IMMP2L: variants seen among roughly 807,000 people sequenced by gnomAD.
The protein encoded by IMMP2L is inner mitochondrial membrane peptidase subunit 2.
Under a neutral mutation model 19.3 loss-of-function variants are expected in IMMP2L, and 18 were observed. The ratio of observed to expected loss-of-function variants is 0.93; its 90% CI spans 0.64 to 1.38. The LOEUF (loss-of-function observed/expected upper bound fraction) is 1.38, where lower values mean the gene tolerates loss of function less well. Ranked by LOEUF, IMMP2L falls within the 40% of genes most tolerant of loss-of-function variation. The probability of loss-of-function intolerance (pLI) is 0.00; values close to 1 mark genes in which losing one functional copy is unlikely to be tolerated. For synonymous variants in IMMP2L, 76 were observed against 73.0 expected (o/e 1.04, Z -0.21); for missense variants, 233 against 218.2 (o/e 1.07, Z -0.43).
At chr7:111,215,446 A>G (rs769402623) in intron 3 of IMMP2L, among the ~76,000 whole-genome samples, 1 of 152,184 alleles carries the variant, frequency 6.6e-6, no homozygotes, top group African/African-American at 2.4e-5. Flanking sequence ...AAGAATCATG[A>G]AGATATTCTA....
At chr7:110,820,567 C>T (rs1430512042) in intron 5 of IMMP2L, among the ~76,000 whole-genome samples, 1 of 151,910 alleles carries the variant, frequency 6.6e-6, no homozygotes, top group Non-Finnish European at 1.5e-5. Flanking sequence ...ATCTGACACA[C>T]ACACACACAC....
intron 5 of IMMP2L, among the ~76,000 whole-genome samples, chr7:110,789,313 T>C (rs961792665): frequency 6.6e-6 from 1 of 151,764 alleles, no homozygotes; most frequent in African/African-American, 2.4e-5. Context: ...GACACTAAGT[T>C]TGTTATGATG....
chr7:111,048,258 A>AAAAAAAAAG (rs1792634760), intron 3 of IMMP2L, among the ~76,000 whole-genome samples: 1 of 149,020 alleles, frequency 6.7e-6, no homozygotes, highest in South Asian at 2.1e-4. Context: ...AAAAAAAAAA[A>AAAAAAAAAG]AAAAAAAGAA....
intron 3 of IMMP2L, among the ~76,000 whole-genome samples, chr7:111,054,335 C>A (rs1409770039): frequency 6.6e-6 from 1 of 152,140 alleles, no homozygotes; most frequent in Non-Finnish European, 1.5e-5. Flanking sequence ...ATCTTGAAGA[C>A]ATTTAAAAAT....
intron 3 of IMMP2L, among the ~76,000 whole-genome samples, chr7:110,983,766 C>G (rs2129558459): frequency 6.6e-6 from 1 of 151,932 alleles, no homozygotes; most frequent in South Asian, 2.1e-4. Context: ...TCTAAGGACC[C>G]TCCTCTGTCC....
chr7:111,234,964 T>G (rs1814120723), intron 3 of IMMP2L, among the ~76,000 whole-genome samples: 1 of 152,064 alleles, frequency 6.6e-6, no homozygotes, highest in Admixed American at 6.6e-5. Context: ...TTTAAAAGAG[T>G]CTGTAAGGGG....
At chr7:110,921,105 TTTTG>T (rs1201431721) in intron 4 of IMMP2L, among the ~76,000 whole-genome samples, 2 of 152,220 alleles carry the variant, frequency 1.3e-5, no homozygotes, top group Admixed American at 1.3e-4. Context: ...TAATATTTAT[TTTTG>T]TTTATGTTTT....
intron 3 of IMMP2L, among the ~76,000 whole-genome samples, chr7:111,239,080 T>C (rs1053645893): frequency 6.6e-6 from 1 of 151,930 alleles, no homozygotes. Context: ...GAATAGGACA[T>C]TGTTTTTGTT....
chr7:111,278,978 C>T (rs561767525), intron 3 of IMMP2L, among the ~76,000 whole-genome samples: 17 of 151,280 alleles, frequency 1.1e-4, no homozygotes, highest in African/African-American at 3.9e-4. Context: ...AGACATGAAA[C>T]ATGAAAAAAA....
At chr7:111,370,100 T>C (rs1315835654) in intron 3 of IMMP2L, among the ~76,000 whole-genome samples, 7 of 152,024 alleles carry the variant, frequency 4.6e-5, no homozygotes, top group South Asian at 4.1e-4. Context: ...GACTTCATTG[T>C]CGGTCAGATC....
chr7:111,058,178 A>G (rs765349293), intron 3 of IMMP2L, among the ~76,000 whole-genome samples: 14 of 152,158 alleles, frequency 9.2e-5, no homozygotes, highest in Admixed American at 9.2e-4. Context: ...AGGCACCCCA[A>G]AGAGAGAAAA....
At chr7:111,259,843 A>T (rs2129726559) in intron 3 of IMMP2L, among the ~76,000 whole-genome samples, 2 of 152,246 alleles carry the variant, frequency 1.3e-5, no homozygotes, top group Admixed American at 1.3e-4. Flanking sequence ...TTTTTTAAAA[A>T]ATGTTTTAAA....
At chr7:110,784,963 T>TA (rs1227215854) in intron 5 of IMMP2L, among the ~76,000 whole-genome samples, 20 of 151,962 alleles carry the variant, frequency 1.3e-4, no homozygotes, top group African/African-American at 4.8e-4. Context: ...TAAAATGAGA[T>TA]ACAAGAAACA....
At chr7:110,989,190 G>A (rs906381846) in intron 3 of IMMP2L, among the ~76,000 whole-genome samples, 2 of 152,078 alleles carry the variant, frequency 1.3e-5, no homozygotes, top group Non-Finnish European at 2.9e-5. Flanking sequence ...AGCCAAGATC[G>A]TGCCATTGCA....
chr7:110,964,042 G>T (rs1019692109), intron 3 of IMMP2L, among the ~76,000 whole-genome samples: 1 of 151,134 alleles, frequency 6.6e-6, no homozygotes, highest in Admixed American at 6.6e-5. Context: ...TGATTTAAGA[G>T]TGTGGCACTT....
At chr7:111,337,526 G>T (rs1826562422) in intron 3 of IMMP2L, among the ~76,000 whole-genome samples, 1 of 152,078 alleles carries the variant, frequency 6.6e-6, no homozygotes, top group South Asian at 2.1e-4. Flanking sequence ...TGGGCAGATG[G>T]ATGGACAGTT....
intron 3 of IMMP2L, among the ~76,000 whole-genome samples, chr7:111,232,547 CTTTTGTTAACTTCTT>C: frequency 6.6e-6 from 1 of 152,078 alleles, no homozygotes; most frequent in East Asian, 1.9e-4. Flanking sequence ...CCAATAAATT[CTTTTGTTAACTTCTT>C]TTTTGTTAGC....
intron 3 of IMMP2L, among the ~76,000 whole-genome samples, chr7:111,077,291 A>T (rs1795496921): frequency 6.6e-6 from 1 of 152,234 alleles, no homozygotes. Flanking sequence ...TAAGCAACAG[A>T]TAAAAGCATT....
intron 3 of IMMP2L, among the ~76,000 whole-genome samples, chr7:111,398,107 T>C (rs1297919545): frequency 6.6e-6 from 1 of 152,142 alleles, no homozygotes; most frequent in Non-Finnish European, 1.5e-5. Context: ...GTTTAAACCA[T>C]AAACACTTTT....
Sources: allele counts gnomAD v4.1 joint callset (sites outside exome capture counted in the v4.1 genomes callset), GRCh38; gene constraint gnomAD v4.1.1; transcripts MANE v1.5; gene names NCBI Gene and HGNC (gene_info 2026-07-23, HGNC 2026-07-21).